Variants in DAAM1 observed in about 807,000 individuals in gnomAD.
DAAM1 encodes disheveled-associated activator of morphogenesis 1.
DAAM1 carries 52 observed loss-of-function variants against 130.0 expected under a neutral mutation model. The ratio of observed to expected loss-of-function variants is 0.40; its 90% CI spans 0.32 to 0.50. The LOEUF is 0.50. Among genes scored for constraint, DAAM1 ranks in the 20% least tolerant of loss-of-function variants. The pLI, the probability that DAAM1 is intolerant of heterozygous loss-of-function variation, is 0.61. For synonymous variants in DAAM1, 452 were observed against 444.5 expected (o/e 1.02, Z -0.21); for missense variants, 1,134 against 1,303.8 (o/e 0.87, Z 2.01).
chr14:59,301,578 C>T (rs1884174066), intron 3 of DAAM1, among the ~76,000 whole-genome samples: 1 of 152,116 alleles, frequency 6.6e-6, no homozygotes, highest in Admixed American at 6.6e-5. Context: ...GAGGCATTTG[C>T]CACTTCCCTG....
At chr14:59,366,131 G>C (rs138485153) in intron 23 of DAAM1, among the ~76,000 whole-genome samples, 366 of 141,282 alleles carry the variant, frequency 2.6e-3, no homozygotes, top group African/African-American at 0.011. Flanking sequence ...TGTACCTATA[G>C]TCCCAGCTAC....
chr14:59,320,426 G>A, intron 4 of DAAM1, 64 bp from the exon 5 acceptor site: 4 of 1,293,242 alleles, frequency 3.1e-6, no homozygotes, highest in Non-Finnish European at 4.3e-6. Context: ...CTGTAGGTTT[G>A]TCTTGTTTGT....
At chr14:59,321,239 A>G (rs1884995158) in intron 5 of DAAM1, among the ~76,000 whole-genome samples, 1 of 152,240 alleles carries the variant, frequency 6.6e-6, no homozygotes, top group South Asian at 2.1e-4. Context: ...GATTCTATTT[A>G]TAAGAAATTC....
intron 17 of DAAM1, among the ~76,000 whole-genome samples, chr14:59,349,774 C>T (rs1398670338): frequency 2.0e-5 from 3 of 152,218 alleles, no homozygotes; most frequent in African/African-American, 4.8e-5. Flanking sequence ...AAACTACCCA[C>T]GCACAGTCCT....
intron 1 of DAAM1, among the ~76,000 whole-genome samples, chr14:59,217,859 C>T (rs574126403): frequency 6.6e-6 from 1 of 152,084 alleles, no homozygotes; most frequent in Admixed American, 6.5e-5. Context: ...TGGTGGTGGG[C>T]ACCTGTAGTC....
chr14:59,291,804 A>G (rs948354123), intron 3 of DAAM1, among the ~76,000 whole-genome samples: 1 of 152,198 alleles, frequency 6.6e-6, no homozygotes. Flanking sequence ...TTTGAGGGAC[A>G]CATTCCTGGA....
chr14:59,325,298 T>G, intron 8 of DAAM1, among the ~76,000 whole-genome samples: 1 of 152,230 alleles, frequency 6.6e-6, no homozygotes. Flanking sequence ...GCATGATCAT[T>G]TCTTTTGTGA....
At chr14:59,275,310 G>C (rs1481871056) in intron 2 of DAAM1, among the ~76,000 whole-genome samples, 1 of 152,060 alleles carries the variant, frequency 6.6e-6, no homozygotes, top group East Asian at 1.9e-4. Flanking sequence ...AGGAGGGAGA[G>C]GATCAGAAAA....
chr14:59,360,667 T>A lies in DAAM1; in HGVS notation c.2634-135T>A, dbSNP rs1473428138. 4 of 590,580 alleles carry A rather than the reference T, an allele frequency of 6.8e-6. No individual in the cohort carries two copies. The East Asian group carries it at 9.5e-5, about 14-fold the overall frequency. The allele number at this position is 590,580 out of a possible 1,614,324, so 36.6% of individuals were successfully genotyped here. A position where few individuals can be genotyped will look rare whatever the true frequency, so the allele number is the denominator to read the frequency against. On this transcript the variant is annotated intron_variant, in intron 21 of 24. Coordinates refer to ENST00000360909, the MANE Select transcript of DAAM1 (RefSeq NM_001270520.2). ...AAAATACTGTTGTCTTTCTTTGAGA[T>A]CTGAGCATGGAAGGGAATTTTAAAC...
At chr14:59,361,237 TGTAGAACTTCTCA>T (rs1042737818) in intron 22 of DAAM1, among the ~76,000 whole-genome samples, 3 of 152,192 alleles carry the variant, frequency 2.0e-5, no homozygotes, top group Admixed American at 6.5e-5. Context: ...AGAACTTCTC[TGTAGAACTTCTCA>T]GTTGTTTTTG....
intron 8 of DAAM1, among the ~76,000 whole-genome samples, 154 bp from the exon 9 acceptor site, chr14:59,325,510 A>G (rs1885172392): frequency 6.6e-6 from 1 of 152,198 alleles, no homozygotes. Flanking sequence ...TTTCTTAGAA[A>G]GAACAAAGTT....
At chr14:59,232,998 A>G (rs553788106) in intron 1 of DAAM1, among the ~76,000 whole-genome samples, 1 of 152,286 alleles carries the variant, frequency 6.6e-6, no homozygotes, top group South Asian at 2.1e-4. Flanking sequence ...ATAGTATTCC[A>G]TGGTGTGTAT....
At chr14:59,212,190 C>G (rs1291010923) in intron 1 of DAAM1, among the ~76,000 whole-genome samples, 1 of 152,148 alleles carries the variant, frequency 6.6e-6, no homozygotes, top group Non-Finnish European at 1.5e-5. Context: ...TCTCATGTTT[C>G]TACTATTTAG....
chr14:59,341,304 C>T (rs554843900), intron 16 of DAAM1, among the ~76,000 whole-genome samples: 12 of 152,246 alleles, frequency 7.9e-5, no homozygotes, highest in African/African-American at 2.9e-4. Flanking sequence ...GACTTTTGTT[C>T]CATGAACTAT....
chr14:59,276,181 A>C (rs958460183), intron 2 of DAAM1, among the ~76,000 whole-genome samples: 1 of 152,242 alleles, frequency 6.6e-6, no homozygotes, highest in African/African-American at 2.4e-5. Flanking sequence ...TTGGCAATTC[A>C]TGATTCCCAG....
chr14:59,291,059 A>G (rs1263161093), intron 2 of DAAM1, among the ~76,000 whole-genome samples, 158 bp from the exon 3 acceptor site: 1 of 152,124 alleles, frequency 6.6e-6, no homozygotes, highest in Non-Finnish European at 1.5e-5. Flanking sequence ...TTTCTTCTTG[A>G]TGGAAAAACA....
chr14:59,313,502 T>C (rs1884672421), intron 3 of DAAM1, among the ~76,000 whole-genome samples: 1 of 152,250 alleles, frequency 6.6e-6, no homozygotes, highest in South Asian at 2.1e-4. Context: ...GAATGGTCTC[T>C]CTTCTGTAAC....
intron 4 of DAAM1, among the ~76,000 whole-genome samples, chr14:59,315,883 G>A (rs1594817245): frequency 6.6e-6 from 1 of 152,164 alleles, no homozygotes; most frequent in East Asian, 1.9e-4. Flanking sequence ...CATAATAATA[G>A]TGCTGAGATG....
Position 59,340,196 on chromosome 14 carries a change from A to G in DAAM1, c.2075+16A>G. 1 of 1,605,910 alleles carries G rather than the reference A, an allele frequency of 6.2e-7. No individual in the cohort carries two copies. Among genetic ancestry groups the G allele is most frequent in the Non-Finnish European group, 8.5e-7 (1 of 1,173,512 alleles). On this transcript the variant is annotated intron_variant, in intron 16 of 24. Transcript: ENST00000360909. ...TTCTATCGAGGTATTGTTGATGTTGAATAAACATTTCTAGTAGGACCAACA... is the reference window on the plus strand; with the variant it reads ...TTCTATCGAGGTATTGTTGATGTTGGATAAACATTTCTAGTAGGACCAACA...
Sources: allele counts gnomAD v4.1 joint callset (sites outside exome capture counted in the v4.1 genomes callset), GRCh38; gene constraint gnomAD v4.1.1; transcripts MANE v1.5; gene names NCBI Gene and HGNC (gene_info 2026-07-23, HGNC 2026-07-21).